PARD3B: variants seen among roughly 807,000 people sequenced by gnomAD.
The protein encoded by PARD3B is par-3 family cell polarity regulator beta.
PARD3B carries 103 observed loss-of-function variants against 130.2 expected under a neutral mutation model. The observed-to-expected ratio is 0.79, with a 90% CI of 0.67 to 0.93. The LOEUF is 0.93. PARD3B is among the 40% of genes least tolerant of loss of function. The pLI is 0.00. For missense variants in PARD3B, 1,609 were observed against 1,499.2 expected, an observed-to-expected ratio of 1.07 and a Z score of -1.21; for synonymous variants, 583 against 553.2, an observed-to-expected ratio of 1.05 and a Z score of -0.76.
chr2:205,186,232 CA>C (rs2036091801), intron 14 of PARD3B, among the ~76,000 whole-genome samples: 1 of 152,002 alleles, frequency 6.6e-6, no homozygotes, highest in African/African-American at 2.4e-5. Context: ...TAGTAATTGG[CA>C]AACCCTAGAG....
chr2:205,064,896 A>G (rs922450238), intron 4 of PARD3B, among the ~76,000 whole-genome samples: 2 of 152,204 alleles, frequency 1.3e-5, no homozygotes, highest in African/African-American at 4.8e-5. Context: ...ACTGTTTCTC[A>G]AAGAGTTATC....
At chr2:204,745,987 T>TC (rs1441206893) in intron 2 of PARD3B, among the ~76,000 whole-genome samples, 1 of 151,932 alleles carries the variant, frequency 6.6e-6, no homozygotes, top group Non-Finnish European at 1.5e-5. Flanking sequence ...TTTTTCTTTT[T>TC]TTTTTTATTA....
At chr2:205,565,620 G>T (rs2053297235) in intron 22 of PARD3B, among the ~76,000 whole-genome samples, 1 of 152,026 alleles carries the variant, frequency 6.6e-6, no homozygotes, top group African/African-American at 2.4e-5. Context: ...CCTTTTTCTG[G>T]TTACTTCTTT....
rs893059472 is a variant in PARD3B at position 205,550,826 on chromosome 2, ATT to A, written c.3181-2495_3181-2494del. The stretch of plus-strand genomic sequence containing the variant: ...TGCATATTTATATGTATATATGTAT[ATT>A]TTATGTATATTTGAATATTTTATAT... On this transcript the variant is annotated intron_variant, in intron 21 of 22. Coordinates refer to ENST00000406610, the MANE Select transcript of PARD3B (RefSeq NM_001302769.2). This position sits in a 1 kb window ranked among gnomAD's most constrained non-coding sequence, Gnocchi z 4.5. 6.7e-6 allele frequency among the ~76,000 whole-genome samples: 1 copy of A among 148,604 alleles called. No homozygotes were observed. The highest frequency in any genetic ancestry group is 1.5e-5 in the Non-Finnish European group (1 of 67,128).
intron 18 of PARD3B, among the ~76,000 whole-genome samples, chr2:205,332,670 C>T (rs1270370847): frequency 1.3e-5 from 2 of 152,146 alleles, no homozygotes; most frequent in Non-Finnish European, 2.9e-5. Context: ...GCATTCAAGA[C>T]GGCTTCCCCT....
rs145578342 is a variant in PARD3B at position 205,013,699 on chromosome 2, G to A, written c.395-33882G>A. ...AAATCAGTATCGACTGCTTCTTGAG[G>A]GCTCACTGCCTGCTGTGAAGCAGCA... On this transcript the variant is annotated intron_variant, in intron 3 of 22. Transcript: ENST00000406610. 4.4e-3 allele frequency among the ~76,000 whole-genome samples: 673 copies of A among 152,278 alleles called. 2 individuals carry two copies. Among genetic ancestry groups the A allele is most frequent in the African/African-American group, 0.013 (545 of 41,564 alleles).
intron 16 of PARD3B, among the ~76,000 whole-genome samples, chr2:205,252,838 A>AC (rs35793665): frequency 0.17 from 14,071 of 83,524 alleles, 1,507 homozygotes; most frequent in East Asian, 0.26. Context: ...ACCTGAAGGG[A>AC]CCCCCCCCCC....
intron 21 of PARD3B, among the ~76,000 whole-genome samples, chr2:205,538,472 T>TACACAC (rs71410824): frequency 0.02 from 3,089 of 150,836 alleles, 84 homozygotes; most frequent in African/African-American, 0.059. Flanking sequence ...CACGTGTGTG[T>TACACAC]ACACACACAC....
rs962692021 is a variant in PARD3B, at chr2:204,894,728, G to A, written c.223-70424G>A. The stretch of plus-strand genomic sequence containing the variant: ...TGGGCTGAGTTGTTGGTGTTTCAGG[G>A]TTGGACATTTAAAGGGGATTTCATG... On this transcript the variant is annotated intron_variant, in intron 2 of 22. Coordinates refer to ENST00000406610, the MANE Select transcript of PARD3B (RefSeq NM_001302769.2). Among the ~76,000 whole-genome samples the A allele has an allele frequency of 7.9e-5, 12 of 152,134 alleles. No homozygotes were observed. The East Asian group carries it at 2.3e-3, about 29-fold the overall frequency.
chr2:204,694,819 G>A (rs905110935), intron 2 of PARD3B, among the ~76,000 whole-genome samples: 8 of 152,068 alleles, frequency 5.3e-5, no homozygotes, highest in African/African-American at 1.7e-4. Context: ...CGTATGATGA[G>A]AGAATCTGTG....
chr2:205,599,981 G>A (rs1340687803), intron 22 of PARD3B, among the ~76,000 whole-genome samples: 1 of 152,174 alleles, frequency 6.6e-6, no homozygotes, highest in Non-Finnish European at 1.5e-5. Context: ...TTCAAAGTTG[G>A]TAAGCAACTG....
At chr2:205,423,759 T>TA (rs2047052829) in intron 19 of PARD3B, among the ~76,000 whole-genome samples, 1 of 152,026 alleles carries the variant, frequency 6.6e-6, no homozygotes. Context: ...TCTGCAGCCA[T>TA]AAAAAAGAAC....
In PARD3B at chr2:205,462,640, T is replaced by A. The variant is rs547270918; in HGVS notation, c.3044+21968T>A. Among the ~76,000 whole-genome samples the A allele has an allele frequency of 2.0e-5, 3 of 152,352 alleles. No homozygotes were observed. The East Asian group carries it at 5.8e-4, about 29-fold the overall frequency. On this transcript the variant is annotated intron_variant, in intron 20 of 22. Coordinates refer to ENST00000406610, the MANE Select transcript of PARD3B (RefSeq NM_001302769.2). ...TTTCCTCATTCCAGGCACATGGAGTTCTAGTAGATGATGCAACATGATTTT... is the reference window on the plus strand; with the variant it reads ...TTTCCTCATTCCAGGCACATGGAGTACTAGTAGATGATGCAACATGATTTT...
Position 205,199,534 on chromosome 2 carries a change from T to G in PARD3B, c.2140+6214T>G, listed in dbSNP as rs113108573. On this transcript the variant is annotated intron_variant, in intron 15 of 22. Coordinates refer to ENST00000406610, the MANE Select transcript of PARD3B (RefSeq NM_001302769.2). ...GCACACACGTAGTAAAAATCTGAAA[T>G]AATATATGCAGGAAGAGGTAAACAG... Among the ~76,000 whole-genome samples, 1,175 of 151,662 alleles carry G rather than the reference T, an allele frequency of 7.7e-3. 16 individuals are homozygous for G. The highest frequency in any genetic ancestry group is 0.014 in the Middle Eastern group (4 of 294).
In PARD3B at chr2:205,124,278, A is replaced by G. The variant is rs374823333; in HGVS notation, c.1166-49A>G. On this transcript the variant is annotated intron_variant, in intron 8 of 22. Transcript: ENST00000406610. ...ATCTTACTGTAAGACTGAATATAAT[A>G]TTACTCATGCTTAAGATGACTATAC... 19 of 1,391,328 alleles carry G rather than the reference A, an allele frequency of 1.4e-5. No homozygotes were observed. The African/African-American group carries it at 2.8e-4, about 20-fold the overall frequency. 86.2% of individuals were successfully genotyped at this position (1,391,328 alleles called of 1,614,324 possible).
chr2:205,203,781 C>G (rs2037123879), intron 15 of PARD3B, among the ~76,000 whole-genome samples: 1 of 152,216 alleles, frequency 6.6e-6, no homozygotes, highest in Non-Finnish European at 1.5e-5. Context: ...AGTTCATGAA[C>G]TCATACTTTT....
chr2:204,550,127 G>A (rs1045340609), intron 1 of PARD3B, among the ~76,000 whole-genome samples: 6 of 152,078 alleles, frequency 3.9e-5, no homozygotes, highest in African/African-American at 7.2e-5. Context: ...GACTTCCCTC[G>A]GATACCAAAA....
chr2:204,965,090 G>C (rs1691110152), intron 2 of PARD3B, 62 bp from the exon 3 acceptor site: 8 of 1,506,084 alleles, frequency 5.3e-6, no homozygotes, highest in Middle Eastern at 3.6e-4. Flanking sequence ...CGTTCAGCTA[G>C]ATAGTGTCCG....
chr2:204,553,267 G>T (rs1216330504), intron 1 of PARD3B, among the ~76,000 whole-genome samples: 2 of 152,046 alleles, frequency 1.3e-5, no homozygotes, highest in Non-Finnish European at 2.9e-5. Flanking sequence ...ATAGGTGTTG[G>T]TGTGGATGTG....
Sources: gnomAD v4.1 joint callset for allele counts (sites outside exome capture counted in the v4.1 genomes callset) on GRCh38, gnomAD v4.1.1 for gene constraint, Gnocchi (gnomAD v3.1) non-coding constraint, MANE v1.5 for transcripts, NCBI Gene and HGNC (gene_info 2026-07-23, HGNC 2026-07-21) for gene names.